The following CADPS variants were observed in gnomAD, a reference collection of about 807,000 sequenced individuals.
CADPS encodes calcium-dependent secretion activator 1.
A neutral mutation model predicts 167.3 loss-of-function variants in CADPS; 57 were observed. That is an observed-to-expected ratio of 0.34 (90% confidence interval 0.28 to 0.42). The LOEUF (loss-of-function observed/expected upper bound fraction) is 0.42. Ranked by LOEUF, CADPS falls within the 20% of genes least tolerant of loss-of-function variation. The pLI, the probability that CADPS is intolerant of heterozygous loss-of-function variation, is 1.00. For missense variants in CADPS, 1,414 were observed against 1,738.1 expected (o/e 0.81, Z 3.32); for synonymous variants, 676 against 635.3 (o/e 1.06, Z -0.96).
chr3:62,607,999 G>A (rs909434611), intron 6 of CADPS, among the ~76,000 whole-genome samples: 4 of 152,164 alleles, frequency 2.6e-5, no homozygotes, highest in African/African-American at 9.7e-5. Context: ...CATGACATAG[G>A]CTCAACCTGG....
chr3:62,484,142 T>C (rs1263847040), intron 21 of CADPS, among the ~76,000 whole-genome samples: 1 of 152,118 alleles, frequency 6.6e-6, no homozygotes, highest in Non-Finnish European at 1.5e-5. Context: ...CATAGAAACA[T>C]TTCCTTCTCT....
rs199920092 is a variant in CADPS at position 62,499,247 on chromosome 3, G to C, written c.2621C>G (p.Thr874Ser). ...TGTATCTTCAAGCTTTTTGGCAGGA[G>C]TGATTAACCGGCCTACATTTTCTGT... is the stretch of plus-strand genomic sequence containing the variant. ...KDAENVGRLI[T>S]PAKKLEDTIR... Residue 874 changes from threonine (T) to serine (S), a missense_variant, in exon 18 of 30, where the codon ACT becomes AGT. Physicochemically the swap from Thr to Ser is moderately conservative, Grantham distance 58 (BLOSUM62 1). Coordinates refer to ENST00000383710, the MANE Select transcript of CADPS (RefSeq NM_003716.4). 2.5e-6 allele frequency: 4 copies of C among 1,612,616 alleles called. No individual in the cohort carries two copies. In the Admixed American group the frequency reaches 6.7e-5, roughly 27 times the overall value.
chr3:62,437,674 C>T (rs1267450407), intron 28 of CADPS, among the ~76,000 whole-genome samples: 1 of 152,170 alleles, frequency 6.6e-6, no homozygotes, highest in Non-Finnish European at 1.5e-5. Flanking sequence ...ATTTACTGCA[C>T]ATCTGCACAC....
At chr3:62,683,223 G>T (rs147215005) in intron 3 of CADPS, among the ~76,000 whole-genome samples, 1 of 151,932 alleles carries the variant, frequency 6.6e-6, no homozygotes, top group African/African-American at 2.4e-5. Context: ...AGAGATTAGG[G>T]TGAGACATAT....
At chr3:62,517,130 C>A (rs1295954151) in intron 14 of CADPS, among the ~76,000 whole-genome samples, 1 of 152,104 alleles carries the variant, frequency 6.6e-6, no homozygotes, top group Non-Finnish European at 1.5e-5. Context: ...TTGTTATGGA[C>A]CGTCTGCTAC....
chr3:62,434,871 C>T (rs2054662412), intron 28 of CADPS, among the ~76,000 whole-genome samples: 2 of 152,098 alleles, frequency 1.3e-5, no homozygotes, highest in South Asian at 2.1e-4. Flanking sequence ...TACCAAACAG[C>T]AACAACTTAA....
In CADPS at chr3:62,412,344, C is replaced by T. The variant is rs1434853051; in HGVS notation, c.3778-9159G>A. 1.3e-5 allele frequency among the ~76,000 whole-genome samples: 2 copies of T among 151,976 alleles called. No individual in the cohort carries two copies. Among genetic ancestry groups the T allele is most frequent in the Non-Finnish European group, 2.9e-5 (2 of 67,998 alleles). ...AACCAGTTTCAGAGACTATGGCTTT[C>T]TATAACCTGCTGCTGAGAGAATTCA... is the stretch of plus-strand genomic sequence containing the variant. On this transcript the variant is annotated intron_variant, in intron 28 of 29. Coordinates refer to ENST00000383710, the MANE Select transcript of CADPS (RefSeq NM_003716.4). This position sits in a 1 kb window ranked among gnomAD's most constrained non-coding sequence, Gnocchi z 4.1.
chr3:62,733,233 A>C (rs1317653665), intron 3 of CADPS, among the ~76,000 whole-genome samples: 4 of 152,246 alleles, frequency 2.6e-5, no homozygotes, highest in Non-Finnish European at 4.4e-5. Flanking sequence ...GTCGGAGAGA[A>C]AATGATTGAA....
intron 7 of CADPS, 86 bp from the exon 8 acceptor site, chr3:62,585,410 G>T: frequency 7.1e-7 from 1 of 1,406,254 alleles, no homozygotes; most frequent in Non-Finnish European, 9.7e-7. Flanking sequence ...GAGTAGTGGA[G>T]TGACTTGAAC....
intron 1 of CADPS, among the ~76,000 whole-genome samples, chr3:62,788,003 A>C (rs2092615924): frequency 1.3e-5 from 2 of 152,156 alleles, no homozygotes; most frequent in South Asian, 2.1e-4. Flanking sequence ...AGTAATCTTC[A>C]ATGTGTCTTT....
intron 1 of CADPS, among the ~76,000 whole-genome samples, chr3:62,776,644 ACT>A: frequency 6.6e-6 from 1 of 152,056 alleles, no homozygotes; most frequent in South Asian, 2.1e-4. Flanking sequence ...ACAGAGAGAG[ACT>A]CCATCTCAAA....
intron 3 of CADPS, among the ~76,000 whole-genome samples, chr3:62,747,026 G>A (rs2081608172): frequency 6.6e-6 from 1 of 152,176 alleles, no homozygotes; most frequent in Non-Finnish European, 1.5e-5. Flanking sequence ...AGTGAACAAA[G>A]AGGACAATTA....
chr3:62,544,941 C>A lies in CADPS; in HGVS notation c.1966+4962G>T. On this transcript the variant is annotated intron_variant, in intron 11 of 29. Transcript: ENST00000383710. This position sits in a 1 kb window ranked among gnomAD's most constrained non-coding sequence, Gnocchi z 4.4. ...AGGCTCAGGAAAGCAGACAGGAGTT[C>A]TAACCTAGCAGCCTAAGTTCTTGGG... 1 of 781,416 alleles carries A rather than the reference C, an allele frequency of 1.3e-6. No homozygotes were observed. The highest frequency in any genetic ancestry group is 1.7e-6 in the Non-Finnish European group (1 of 589,740). 48.4% of individuals were successfully genotyped at this position (781,416 alleles called of 1,614,324 possible).
At chr3:62,817,683 G>C (rs968734915) in intron 1 of CADPS, among the ~76,000 whole-genome samples, 3 of 152,134 alleles carry the variant, frequency 2.0e-5, no homozygotes, top group African/African-American at 7.2e-5. Flanking sequence ...TAAGCAGGTA[G>C]CTTATTCGGT....
At chr3:62,574,838 GA>G (rs981763533) in intron 8 of CADPS, among the ~76,000 whole-genome samples, 61 of 152,338 alleles carry the variant, frequency 4.0e-4, no homozygotes, top group African/African-American at 1.2e-3. Context: ...GGCATGTCAG[GA>G]AGTAGGTGTA....
intron 8 of CADPS, among the ~76,000 whole-genome samples, chr3:62,571,255 T>A (rs909356346): frequency 1.3e-5 from 2 of 152,158 alleles, no homozygotes; most frequent in Non-Finnish European, 2.9e-5. Context: ...CTGAAAGACA[T>A]TGCACAGGAA....
intron 27 of CADPS, among the ~76,000 whole-genome samples, chr3:62,442,591 GGT>G (rs964488038): frequency 6.6e-6 from 1 of 152,128 alleles, no homozygotes; most frequent in Non-Finnish European, 1.5e-5. Flanking sequence ...CAATTTGCAT[GGT>G]GTAAATACTC....
chr3:62,471,832 A>T (rs143132800), intron 24 of CADPS, among the ~76,000 whole-genome samples: 2 of 152,340 alleles, frequency 1.3e-5, no homozygotes, highest in African/African-American at 4.8e-5. Context: ...CATCGAGAAG[A>T]TGAAAAAGAA....
chr3:62,599,642 TATATAATATATA>T (rs1338526317), intron 6 of CADPS, among the ~76,000 whole-genome samples: 7 of 5,072 alleles, frequency 1.4e-3, no homozygotes, highest in Admixed American at 4.7e-3. Flanking sequence ...ATAAATATAA[TATATAATATATA>T]ATATAATATA....
Sources: allele counts gnomAD v4.1 joint callset (sites outside exome capture counted in the v4.1 genomes callset), GRCh38; gene constraint gnomAD v4.1.1; non-coding constraint Gnocchi (gnomAD v3.1); transcripts MANE v1.5; gene names NCBI Gene and HGNC (gene_info 2026-07-23, HGNC 2026-07-21).